STX6: variants seen among roughly 807,000 people sequenced by gnomAD.
STX6 encodes syntaxin-6.
Under a neutral mutation model 38.0 loss-of-function variants are expected in STX6, and 23 were observed. The ratio of observed to expected loss-of-function variants is 0.60; its 90% CI spans 0.43 to 0.86. The LOEUF (loss-of-function observed/expected upper bound fraction) is 0.86, where lower values mean the gene tolerates loss of function less well. STX6 is among the 40% of genes least tolerant of loss of function. The pLI is 0.00. For missense variants in STX6, 274 were observed against 312.9 expected, an observed-to-expected ratio of 0.88 and a Z score of 0.94; for synonymous variants, 123 against 107.5, an observed-to-expected ratio of 1.14 and a Z score of -0.89.
rs541640619 is a variant in STX6, at chr1:180,990,111, T to A, written c.364-2A>T. On this transcript the variant is annotated splice_acceptor_variant, in intron 4 of 7. Coordinates refer to ENST00000258301, the MANE Select transcript of STX6 (RefSeq NM_005819.6). LOFTEE classifies it high-confidence loss of function. ...GCTGCCACTGTCTCCCAGCAGTGCC[T>A]GTGTGAGAAGAACAACCAGAGGAGT... 1 of 1,614,090 alleles carries A rather than the reference T, an allele frequency of 6.2e-7. No individual in the cohort carries two copies. Among genetic ancestry groups the A allele is most frequent in the Admixed American group, 1.7e-5 (1 of 60,012 alleles).
intron 2 of STX6, among the ~76,000 whole-genome samples, chr1:181,003,403 A>T (rs1410954593): frequency 6.6e-6 from 1 of 152,180 alleles, no homozygotes; most frequent in Non-Finnish European, 1.5e-5. Context: ...AATGATGAGT[A>T]TCTATTAAAA....
At chr1:180,993,926 A>G (rs1655826622) in intron 3 of STX6, among the ~76,000 whole-genome samples, 2 of 152,206 alleles carry the variant, frequency 1.3e-5, no homozygotes, top group Admixed American at 6.5e-5. Flanking sequence ...AGTATAAAGT[A>G]TATTTACCAT....
intron 1 of STX6, among the ~76,000 whole-genome samples, chr1:181,014,731 CTT>C (rs1401546525): frequency 9.8e-5 from 15 of 152,302 alleles, no homozygotes. Flanking sequence ...GAGAGGAACT[CTT>C]TTTATTGCTT....
chr1:181,012,927 A>C (rs1238111332), intron 1 of STX6, among the ~76,000 whole-genome samples: 1 of 151,812 alleles, frequency 6.6e-6, no homozygotes, highest in Non-Finnish European at 1.5e-5. Context: ...ACCCACATTG[A>C]CCTCCCAAAG....
chr1:181,012,785 C>T (rs1359465594), intron 1 of STX6, among the ~76,000 whole-genome samples: 1 of 151,740 alleles, frequency 6.6e-6, no homozygotes, highest in East Asian at 1.9e-4. Context: ...AGCAATTACC[C>T]CGCTTCAGCC....
intron 7 of STX6, among the ~76,000 whole-genome samples, chr1:180,984,196 A>G (rs939793630): frequency 5.3e-5 from 8 of 151,754 alleles, no homozygotes; most frequent in African/African-American, 1.7e-4. Context: ...AAGACTGCAC[A>G]TACAAGTCTT....
At chr1:181,017,884 T>G (rs990751977) in intron 1 of STX6, among the ~76,000 whole-genome samples, 4 of 152,154 alleles carry the variant, frequency 2.6e-5, no homozygotes, top group African/African-American at 9.7e-5. Flanking sequence ...CCCTCTGAAT[T>G]AGCAATTATG....
chr1:181,006,425 C>T (rs1656225943), intron 1 of STX6, among the ~76,000 whole-genome samples: 1 of 150,108 alleles, frequency 6.7e-6, no homozygotes, highest in African/African-American at 2.5e-5. Flanking sequence ...ATCTAGCATG[C>T]CTTTAGATTA....
At chr1:180,997,891 A>G (rs1421990033) in intron 3 of STX6, among the ~76,000 whole-genome samples, 1 of 152,232 alleles carries the variant, frequency 6.6e-6, no homozygotes, top group Non-Finnish European at 1.5e-5. Flanking sequence ...GACACTAATT[A>G]TTTCTAGGGA....
intron 5 of STX6, among the ~76,000 whole-genome samples, chr1:180,989,751 T>C (rs551789481): frequency 2.2e-4 from 34 of 152,254 alleles, no homozygotes; most frequent in Admixed American, 7.2e-4. Context: ...CCTCAGTAGC[T>C]AGGACTAAAG....
chr1:180,980,224 C>CAAA (rs1558086121), intron 7 of STX6, among the ~76,000 whole-genome samples: 1 of 134,374 alleles, frequency 7.4e-6, no homozygotes, highest in East Asian at 2.2e-4. Flanking sequence ...AAAAAAAAAA[C>CAAA]ACCATGAAAG....
rs1360384678 is a variant in STX6, at chr1:180,975,510, A to G, written c.*1060T>C. 3 of 152,652 alleles carry G rather than the reference A, an allele frequency of 2.0e-5. No individual in the cohort carries two copies. Among genetic ancestry groups the G allele is most frequent in the African/African-American group, 7.2e-5 (3 of 41,454 alleles). 9.5% of individuals were successfully genotyped at this position (152,652 alleles called of 1,614,324 possible). The stretch of plus-strand genomic sequence containing the variant: ...AAAAAAGAACCAAGTTTACCTACAC[A>G]TCCTTGCCATTACCCACAGAGTAAG... On this transcript the variant is annotated 3_prime_UTR_variant, in exon 8 of 8. Transcript: ENST00000258301.
At chr1:181,009,796 T>G (rs1656340812) in intron 1 of STX6, among the ~76,000 whole-genome samples, 1 of 148,314 alleles carries the variant, frequency 6.7e-6, no homozygotes, top group South Asian at 2.1e-4. Context: ...TGAAAACTTA[T>G]GTTCACACAG....
intron 1 of STX6, among the ~76,000 whole-genome samples, chr1:181,007,519 A>T (rs1459163483): frequency 6.6e-6 from 1 of 152,250 alleles, no homozygotes; most frequent in Non-Finnish European, 1.5e-5. Context: ...CTGTAAAGAC[A>T]TCTTTTAAAG....
At chr1:181,009,326 G>A (rs780283706) in intron 1 of STX6, among the ~76,000 whole-genome samples, 28 of 151,948 alleles carry the variant, frequency 1.8e-4, no homozygotes, top group Admixed American at 2.0e-4. Flanking sequence ...AAAATTAGCC[G>A]GGCATGGTGG....
intron 3 of STX6, among the ~76,000 whole-genome samples, chr1:180,993,782 T>A (rs984215570): frequency 2.6e-5 from 4 of 152,200 alleles, no homozygotes; most frequent in African/African-American, 4.8e-5. Flanking sequence ...TGAGGAGACC[T>A]AGGTCCAAAA....
At chr1:181,008,270 C>T (rs1279843620) in intron 1 of STX6, among the ~76,000 whole-genome samples, 1 of 152,162 alleles carries the variant, frequency 6.6e-6, no homozygotes, top group Non-Finnish European at 1.5e-5. Flanking sequence ...TTCCCTTATA[C>T]TACGATCCAT....
chr1:180,989,932 G>A lies in STX6; in HGVS notation c.489+52C>T, dbSNP rs565543757. ...CCCCATGGCTGGCAAAGGAACTAAG[G>A]GGGTGTCTTGTTTCCCACTGGCCCG... On this transcript the variant is annotated intron_variant, in intron 5 of 7. Transcript: ENST00000258301. 3.1e-5 allele frequency: 50 copies of A among 1,606,916 alleles called. 1 individual carries two copies. The East Asian group carries it at 6.7e-4, about 22-fold the overall frequency.
At chr1:180,986,092 C>T (rs536306949) in intron 6 of STX6, among the ~76,000 whole-genome samples, 16 of 152,334 alleles carry the variant, frequency 1.1e-4, no homozygotes, top group East Asian at 3.9e-4. Context: ...TACCTTTCTG[C>T]GCTAGGTATG....
Sources: allele counts gnomAD v4.1 joint callset (sites outside exome capture counted in the v4.1 genomes callset), GRCh38; gene constraint gnomAD v4.1.1; transcripts MANE v1.5; gene names NCBI Gene and HGNC (gene_info 2026-07-23, HGNC 2026-07-21).